The following FGF7 variants were observed in gnomAD, a reference collection of about 807,000 sequenced individuals.
The protein encoded by FGF7 is FGF-7.
A neutral mutation model predicts 20.5 loss-of-function variants in FGF7; 6 were observed. That is an observed-to-expected ratio of 0.29 (90% confidence interval 0.16 to 0.58). FGF7 has a LOEUF of 0.58. Among genes scored for constraint, FGF7 ranks in the 20% least tolerant of loss-of-function variants. The pLI is 0.90. For synonymous variants in FGF7, 64 were observed against 74.7 expected, an observed-to-expected ratio of 0.86 and a Z score of 0.74; for missense variants, 144 against 228.8, an observed-to-expected ratio of 0.63 and a Z score of 2.39.
chr15:49,474,872 C>T (rs1567348813), intron 2 of FGF7, among the ~76,000 whole-genome samples: 1 of 152,128 alleles, frequency 6.6e-6, no homozygotes, highest in South Asian at 2.1e-4. Context: ...ACAGTTTCAT[C>T]CTGAACCTCC....
chr15:49,440,038 T>C (rs936175004), intron 2 of FGF7, among the ~76,000 whole-genome samples: 2 of 151,796 alleles, frequency 1.3e-5, no homozygotes, highest in African/African-American at 4.8e-5. Flanking sequence ...TAAGAAGCAC[T>C]GATCTAGTCT....
chr15:49,453,393 C>T (rs983857219), intron 2 of FGF7, among the ~76,000 whole-genome samples: 26 of 152,130 alleles, frequency 1.7e-4, no homozygotes, highest in African/African-American at 3.4e-4. Flanking sequence ...CATGCGCCAC[C>T]GTGCCTGGCC....
At chr15:49,464,729 T>G (rs1232556126) in intron 2 of FGF7, among the ~76,000 whole-genome samples, 1 of 152,166 alleles carries the variant, frequency 6.6e-6, no homozygotes. Context: ...ATGGACACTA[T>G]CAGGAAGAAT....
At chr15:49,427,381 T>G (rs1237822746) in intron 2 of FGF7, among the ~76,000 whole-genome samples, 1 of 152,032 alleles carries the variant, frequency 6.6e-6, no homozygotes, top group Non-Finnish European at 1.5e-5. Context: ...GTAATTGGAT[T>G]GTCTACTAGA....
intron 2 of FGF7, among the ~76,000 whole-genome samples, chr15:49,442,186 T>C (rs1003028989): frequency 8.6e-5 from 13 of 151,646 alleles, no homozygotes; most frequent in Non-Finnish European, 1.8e-4. Flanking sequence ...TTCTACTGTT[T>C]GCTAATGGAA....
At chr15:49,468,506 G>C (rs1444750144) in intron 2 of FGF7, among the ~76,000 whole-genome samples, 1 of 152,106 alleles carries the variant, frequency 6.6e-6, no homozygotes, top group African/African-American at 2.4e-5. Flanking sequence ...CTTTCTTAGG[G>C]TAAAGTGATC....
At chr15:49,471,651 C>G (rs1180817710) in intron 2 of FGF7, among the ~76,000 whole-genome samples, 1 of 151,940 alleles carries the variant, frequency 6.6e-6, no homozygotes, top group African/African-American at 2.4e-5. Context: ...ATTTTCTAAT[C>G]AAGAATGGCG....
chr15:49,468,719 C>A (rs997978160), intron 2 of FGF7, among the ~76,000 whole-genome samples: 3 of 152,168 alleles, frequency 2.0e-5, no homozygotes, highest in Admixed American at 6.5e-5. Flanking sequence ...GAACTCAATT[C>A]TTTCCTAACT....
At chr15:49,480,635 C>T (rs966757150) in intron 2 of FGF7, among the ~76,000 whole-genome samples, 5 of 152,046 alleles carry the variant, frequency 3.3e-5, no homozygotes, top group African/African-American at 4.8e-5. Flanking sequence ...GCACCCGCCA[C>T]CACACCCGGA....
chr15:49,423,837 T>C (rs1042799198), intron 1 of FGF7, among the ~76,000 whole-genome samples, 195 bp from the exon 2 acceptor site: 2 of 152,144 alleles, frequency 1.3e-5, no homozygotes, highest in African/African-American at 4.8e-5. Flanking sequence ...TCTCTACTCA[T>C]GCATAAATTT....
chr15:49,482,149 T>C (rs2056009743), intron 2 of FGF7, among the ~76,000 whole-genome samples: 1 of 152,096 alleles, frequency 6.6e-6, no homozygotes, highest in Admixed American at 6.6e-5. Flanking sequence ...CTCAGGACTG[T>C]ACCTTCATGT....
intron 2 of FGF7, among the ~76,000 whole-genome samples, chr15:49,467,460 C>CT (rs144866721): frequency 0.014 from 2,095 of 152,122 alleles, 41 homozygotes; most frequent in African/African-American, 0.048. Flanking sequence ...ACCTCTCATC[C>CT]TATGTAATGA....
chr15:49,478,902 C>T (rs1457370033), intron 2 of FGF7, among the ~76,000 whole-genome samples: 1 of 152,028 alleles, frequency 6.6e-6, no homozygotes, highest in African/African-American at 2.4e-5. Context: ...GAATTAGTAT[C>T]AATTTCTGAA....
At chr15:49,463,727 CTTCT>C (rs1047503831) in intron 2 of FGF7, among the ~76,000 whole-genome samples, 9 of 152,116 alleles carry the variant, frequency 5.9e-5, no homozygotes, top group Non-Finnish European at 1.2e-4. Context: ...CACACAGTTC[CTTCT>C]GTCTGATTTT....
At chr15:49,477,411 C>T (rs1314794502) in intron 2 of FGF7, among the ~76,000 whole-genome samples, 2 of 152,172 alleles carry the variant, frequency 1.3e-5, no homozygotes, top group East Asian at 1.9e-4. Flanking sequence ...GCCAGAATGT[C>T]ATATGGCTGG....
chr15:49,451,685 T>C (rs2052758367), intron 2 of FGF7, among the ~76,000 whole-genome samples: 1 of 152,178 alleles, frequency 6.6e-6, no homozygotes, highest in African/African-American at 2.4e-5. Flanking sequence ...CTAATTTTTA[T>C]GTACGTCTCA....
chr15:49,433,266 C>A (rs2050776840), intron 2 of FGF7, among the ~76,000 whole-genome samples: 1 of 151,536 alleles, frequency 6.6e-6, no homozygotes, highest in African/African-American at 2.4e-5. Context: ...TCTTATGATT[C>A]TTTCTGTTTG....
chr15:49,484,243 T>A, intron 3 of FGF7, 67 bp from the exon 4 acceptor site: 2 of 1,169,482 alleles, frequency 1.7e-6, no homozygotes, highest in South Asian at 2.8e-5. Flanking sequence ...ACCTGCTTAC[T>A]CTTCGTTTAA....
chr15:49,426,774 C>A (rs1161500042), intron 2 of FGF7, among the ~76,000 whole-genome samples: 1 of 151,666 alleles, frequency 6.6e-6, no homozygotes, highest in African/African-American at 2.4e-5. Flanking sequence ...TGTCACAATA[C>A]CAGTGTACTA....
Sources: gnomAD v4.1 joint callset for allele counts (sites outside exome capture counted in the v4.1 genomes callset) on GRCh38, gnomAD v4.1.1 for gene constraint, MANE v1.5 for transcripts, NCBI Gene and HGNC (gene_info 2026-07-23, HGNC 2026-07-21) for gene names.